Variants in ZNF326 observed in about 807,000 individuals in gnomAD.
ZNF326 encodes the protein DBIRD complex subunit ZNF326.
In ZNF326, 30 loss-of-function variants were observed where a neutral mutation model predicts 63.1. That is an observed-to-expected ratio of 0.48 (90% confidence interval 0.36 to 0.64). The LOEUF (loss-of-function observed/expected upper bound fraction) is 0.64, where lower values mean the gene tolerates loss of function less well. ZNF326 is among the 30% of genes least tolerant of loss of function. The pLI is 0.00. For missense variants in ZNF326, 609 were observed against 720.3 expected, an observed-to-expected ratio of 0.85 and a Z score of 1.77; for synonymous variants, 194 against 228.2, an observed-to-expected ratio of 0.85 and a Z score of 1.35.
chr1:90,028,748 A>G lies in ZNF326; in HGVS notation c.*1047A>G, dbSNP rs193185346. 12 of 152,052 alleles carry G rather than the reference A, an allele frequency of 7.9e-5. No individual in the cohort carries two copies. Among genetic ancestry groups the G allele is most frequent in the African/African-American group, 2.2e-4 (9 of 41,504 alleles). The allele number at this position is 152,052 out of a possible 1,614,324, so 9.4% of individuals were successfully genotyped here. A position where few individuals can be genotyped will look rare whatever the true frequency, so the allele number is the denominator to read the frequency against. On this transcript the variant is annotated 3_prime_UTR_variant, in exon 12 of 12. Transcript: ENST00000340281. ...ATAATTTATTTTCAAACAACCGTCTATGTCACTAAAAAGTAGTGCTCTTAT... is the reference window on the plus strand; with the variant it reads ...ATAATTTATTTTCAAACAACCGTCTGTGTCACTAAAAAGTAGTGCTCTTAT...
At chr1:90,000,526 C>T (rs914431233) in intron 2 of ZNF326, among the ~76,000 whole-genome samples, 1 of 152,168 alleles carries the variant, frequency 6.6e-6, no homozygotes, top group Non-Finnish European at 1.5e-5. Context: ...TAGTGAGACC[C>T]TGTCTCTACA....
Position 90,027,340 on chromosome 1 carries a change from T to G in ZNF326, c.1402-14T>G. ...GAATGTGCTGATTTTGAAAGCCATT[T>G]CTTATGTTTTTAGGGTGAGAATCCT... On this transcript the variant is annotated splice_polypyrimidine_tract_variant and intron_variant, in intron 11 of 11. Transcript: ENST00000340281. 1 of 1,610,348 alleles carries G rather than the reference T, an allele frequency of 6.2e-7. No homozygotes were observed.
rs1217515646 is a variant in ZNF326 at position 90,020,936 on chromosome 1, C to G, written c.1305+14C>G. The stretch of plus-strand genomic sequence containing the variant: ...AAAGGGAAGCAGGTAAAATTTTCAT[C>G]TGTCTTAATAAAGTTGCCAGATTAT... On this transcript the variant is annotated intron_variant, in intron 10 of 11. Coordinates refer to ENST00000340281, the MANE Select transcript of ZNF326 (RefSeq NM_182976.4). The G allele has an allele frequency of 6.2e-7, 1 of 1,610,488 alleles. No homozygotes were observed. Among genetic ancestry groups the G allele is most frequent in the South Asian group, 1.1e-5 (1 of 90,428 alleles).
intron 8 of ZNF326, among the ~76,000 whole-genome samples, chr1:90,017,891 A>G (rs1350245572): frequency 1.3e-5 from 2 of 152,246 alleles, no homozygotes; most frequent in African/African-American, 2.4e-5. Flanking sequence ...GCAAAGGGAA[A>G]GACAGTTGGG....
At position 90,031,372 on chromosome 1, in the gene ZNF326, G is replaced by T. The variant is rs928821095; in HGVS notation, c.*3671G>T. ...GAACTCTGTTTTTGTTGGCAAGATT[G>T]TTCTTATTGTAGAAGTGGATATTAT... On this transcript the variant is annotated 3_prime_UTR_variant, in exon 12 of 12. Coordinates refer to ENST00000340281, the MANE Select transcript of ZNF326 (RefSeq NM_182976.4). The T allele has an allele frequency of 6.6e-6, 1 of 152,120 alleles. No homozygotes were observed. Among genetic ancestry groups the T allele is most frequent in the African/African-American group, 2.4e-5 (1 of 41,424 alleles). 9.4% of individuals were successfully genotyped at this position (152,120 alleles called of 1,614,324 possible).
At chr1:90,000,055 T>A (rs765935426) in intron 2 of ZNF326, among the ~76,000 whole-genome samples, 6 of 152,014 alleles carry the variant, frequency 3.9e-5, no homozygotes, top group Non-Finnish European at 8.8e-5. Flanking sequence ...GGAGGATAAA[T>A]GTGTGTGTGT....
intron 5 of ZNF326, among the ~76,000 whole-genome samples, chr1:90,009,281 T>C (rs375783654): frequency 7.9e-5 from 12 of 152,140 alleles, no homozygotes; most frequent in East Asian, 7.7e-4. Context: ...GGTCCTTCTC[T>C]TCAGATTACT....
In ZNF326 at chr1:90,013,134, G is replaced by C. The variant is rs1157303424; in HGVS notation, c.823G>C (p.Asp275His). The C allele has an allele frequency of 6.2e-7, 1 of 1,609,928 alleles. No individual in the cohort carries two copies. The highest frequency in any genetic ancestry group is 8.5e-7 in the Non-Finnish European group (1 of 1,178,740). Residue 275 changes from aspartate (D) to histidine (H), a missense_variant, in exon 7 of 12, where the codon GAT (aspartate) becomes CAT (histidine). Coordinates refer to ENST00000340281, the MANE Select transcript of ZNF326 (RefSeq NM_182976.4). ...ISLSKSPTKT[D>H]PKNEEEEKRR... is the part of the protein sequence containing the mutation. ...TTTGTGTAATATCCTAGCAAAAACT[G>C]ATCCTAAAAATGAAGAGGAAGAAAA...
chr1:90,005,964 C>T (rs1202009200), intron 4 of ZNF326: 16 of 985,212 alleles, frequency 1.6e-5, no homozygotes, highest in South Asian at 4.7e-5. Flanking sequence ...TAAGGTTGAC[C>T]ATATTTCAGG....
At position 90,030,190 on chromosome 1, in the gene ZNF326, C is replaced by G. The variant is rs887350599; in HGVS notation, c.*2489C>G. The G allele has an allele frequency of 7.2e-5, 11 of 152,260 alleles. No homozygotes were observed. The highest frequency in any genetic ancestry group is 1.5e-4 in the Non-Finnish European group (10 of 68,026). 9.4% of individuals were successfully genotyped at this position (152,260 alleles called of 1,614,324 possible). On this transcript the variant is annotated 3_prime_UTR_variant, in exon 12 of 12. Transcript: ENST00000340281. ...TGTTCTACTTCCAAAATTTATCTGC[C>G]GACTCTTCTACCTCCACTGCAACCA...
chr1:90,006,249 T>C (rs1648979522), intron 4 of ZNF326: 11 of 983,712 alleles, frequency 1.1e-5, no homozygotes, highest in Non-Finnish European at 1.3e-5. Context: ...AATTTTTATA[T>C]GGTTACTAGG....
At chr1:89,999,451 A>C (rs1382774012) in intron 2 of ZNF326, among the ~76,000 whole-genome samples, 2 of 152,160 alleles carry the variant, frequency 1.3e-5, no homozygotes, top group Non-Finnish European at 2.9e-5. Context: ...TGAAATGCAG[A>C]CTCATGCAGG....
At chr1:90,026,058 G>C (rs1276479448) in intron 11 of ZNF326, among the ~76,000 whole-genome samples, 1 of 151,566 alleles carries the variant, frequency 6.6e-6, no homozygotes, top group African/African-American at 2.4e-5. Context: ...CCACCTCCTG[G>C]GTTCACGCCA....
Position 89,998,124 on chromosome 1 carries a change from G to A in ZNF326, c.31G>A (p.Ala11Thr), listed in dbSNP as rs567038811. The change falls in exon 2 of 12, where the codon GCC (alanine) becomes ACC (threonine). Residue 11 changes from alanine (A) to threonine (T), a missense_variant. Physicochemically the swap from Ala to Thr is moderately conservative, Grantham distance 58. This residue lies in a region of ZNF326 where 97 missense variants were observed against 88.7 expected (regional missense o/e 1.09). Coordinates refer to ENST00000340281, the MANE Select transcript of ZNF326 (RefSeq NM_182976.4). ...TGTCTTCATAGATTACACACACTCC[G>A]CCTGCAGGAATACTTATCAGGGCTT... MDFEDDYTHS[A>T]CRNTYQGFNG... 3.3e-5 allele frequency: 54 copies of A among 1,612,760 alleles called. No homozygotes were observed. The highest frequency in any genetic ancestry group is 1.8e-4 in the Admixed American group (11 of 59,846).
At chr1:90,026,209 C>T (rs1283672717) in intron 11 of ZNF326, among the ~76,000 whole-genome samples, 2 of 152,250 alleles carry the variant, frequency 1.3e-5, no homozygotes, top group African/African-American at 2.4e-5. Flanking sequence ...GTGATCCACC[C>T]GCCTCAGCCT....
intron 2 of ZNF326, among the ~76,000 whole-genome samples, chr1:90,002,429 A>AT (rs1227451905): frequency 6.6e-6 from 1 of 152,114 alleles, no homozygotes; most frequent in Non-Finnish European, 1.5e-5. Flanking sequence ...AAAACATAAG[A>AT]TTTTTTTCTC....
intron 10 of ZNF326, among the ~76,000 whole-genome samples, chr1:90,021,256 A>C (rs1172574188): frequency 2.0e-5 from 3 of 152,098 alleles, no homozygotes; most frequent in African/African-American, 7.2e-5. Context: ...TAAGGCATTT[A>C]AAATAGTGCC....
chr1:90,020,466 A>C (rs1177687059), intron 9 of ZNF326, among the ~76,000 whole-genome samples: 10 of 152,106 alleles, frequency 6.6e-5, no homozygotes, highest in Non-Finnish European at 1.2e-4. Context: ...ATAATCATGG[A>C]AATTCTTATT....
At chr1:90,009,980 G>C in intron 5 of ZNF326, 108 bp from the exon 6 acceptor site, 1 of 1,066,632 alleles carries the variant, frequency 9.4e-7, no homozygotes, top group Non-Finnish European at 1.3e-6. Flanking sequence ...TTACATTCCA[G>C]GGAATTTTCA....
Sources: allele counts gnomAD v4.1 joint callset (sites outside exome capture counted in the v4.1 genomes callset), GRCh38; gene constraint gnomAD v4.1.1; regional missense constraint gnomAD v4.1.1; transcripts MANE v1.5; gene names NCBI Gene and HGNC (gene_info 2026-07-23, HGNC 2026-07-21).